LRP2: variants seen among roughly 807,000 people sequenced by gnomAD.
LRP2 encodes LDL receptor related protein 2.
In LRP2, 172 loss-of-function variants were observed where a neutral mutation model predicts 531.0. The ratio of observed to expected loss-of-function variants is 0.32; its 90% CI spans 0.29 to 0.37. LRP2 has a LOEUF of 0.37. LRP2 is among the 10% of genes least tolerant of loss of function. The pLI, the probability that LRP2 is intolerant of heterozygous loss-of-function variation, is 1.00. For missense variants in LRP2, 5,167 were observed against 5,868.3 expected (o/e 0.88, Z 3.90); for synonymous variants, 1,992 against 2,027.6 (o/e 0.98, Z 0.47).
intron 31 of LRP2, among the ~76,000 whole-genome samples, chr2:169,228,719 T>G (rs974044533): frequency 6.6e-6 from 1 of 152,116 alleles, no homozygotes; most frequent in Non-Finnish European, 1.5e-5. Context: ...TTACCACCAA[T>G]GAACATTTGC....
chr2:169,205,585 A>G lies in LRP2; in HGVS notation c.7609T>C (p.Leu2537=), dbSNP rs1156515697. 6.2e-6 allele frequency: 10 copies of G among 1,613,878 alleles called. No individual in the cohort carries two copies. Among genetic ancestry groups the G allele is most frequent in the East Asian group, 2.2e-5 (1 of 44,878 alleles). Residue 2537 remains leucine (L), a synonymous_variant, in exon 41 of 79, where the codon TTG becomes CTG. Transcript: ENST00000649046. ...DTHAKIERAT[L]GGNFRVPIVN... ...ATGGGTACGCGGAAGTTTCCTCCCAATGTGGCTCTCTCGATTTTGGCATGT... is the reference window on the plus strand; with the variant it reads ...ATGGGTACGCGGAAGTTTCCTCCCAGTGTGGCTCTCTCGATTTTGGCATGT...
chr2:169,257,289 G>A (rs1230564272), intron 17 of LRP2, 40 bp from the exon 18 acceptor site: 1 of 1,603,572 alleles, frequency 6.2e-7, no homozygotes. Flanking sequence ...TTAACACTGG[G>A]ACAAACTACA....
Position 169,206,015 on chromosome 2 carries a change from T to C in LRP2, c.7556+8A>G. On this transcript the variant is annotated splice_region_variant and intron_variant, in intron 40 of 78. Coordinates refer to ENST00000649046, the MANE Select transcript of LRP2 (RefSeq NM_004525.3). ...GACAGAAATATAACAAGGAAGATGATGGCATACCCTTGGCAGGGATCTAAC... is the reference window on the plus strand; with the variant it reads ...GACAGAAATATAACAAGGAAGATGACGGCATACCCTTGGCAGGGATCTAAC... 1 of 1,614,238 alleles carries C rather than the reference T, an allele frequency of 6.2e-7. No homozygotes were observed.
At chr2:169,295,306 C>T (rs1684107947) in intron 4 of LRP2, among the ~76,000 whole-genome samples, 1 of 152,224 alleles carries the variant, frequency 6.6e-6, no homozygotes, top group African/African-American at 2.4e-5. Flanking sequence ...GGATAACCTA[C>T]TGCACAGGGT....
At chr2:169,282,006 C>T (rs1683717461) in intron 10 of LRP2, among the ~76,000 whole-genome samples, 1 of 152,066 alleles carries the variant, frequency 6.6e-6, no homozygotes, top group Non-Finnish European at 1.5e-5. Context: ...TGGAGGAAGG[C>T]ATTTCACTAC....
rs1685143647 is a variant in LRP2 at position 169,127,610 on chromosome 2, T to C, written c.*1053A>G. The C allele has an allele frequency of 6.6e-6, 1 of 151,066 alleles. No homozygotes were observed. Among genetic ancestry groups the C allele is most frequent in the South Asian group, 2.1e-4 (1 of 4,762 alleles). 9.4% of individuals were successfully genotyped at this position (151,066 alleles called of 1,614,324 possible). On this transcript the variant is annotated 3_prime_UTR_variant, in exon 79 of 79. Transcript: ENST00000649046. Reference sequence around the variant, plus strand: ...TGTACAGTACATTCTAATATAAATGTACACATTTAGCCACAGGGCCTAATA... The same window carrying C: ...TGTACAGTACATTCTAATATAAATGCACACATTTAGCCACAGGGCCTAATA...
rs371528694 is a variant in LRP2, at chr2:169,277,848, C to T, written c.1669G>A (p.Gly557Arg). The part of the protein sequence containing the change: ...NRKDLVKTKL[G>R]WPAGVTLDMI... The stretch of plus-strand genomic sequence containing the variant: ...TCCAGAGTTACCCCAGCAGGCCATC[C>T]CAGCTTTGTTTTCACCAAGTCTTTA... The change falls in exon 13 of 79, where the codon GGA becomes AGA. Residue 557 changes from glycine (G) to arginine (R), a missense_variant. Around this residue, in one of 6 missense-constraint regions of LRP2, gnomAD observed 2,811 missense variants for 3,058.0 expected, o/e 0.92. Coordinates refer to ENST00000649046, the MANE Select transcript of LRP2 (RefSeq NM_004525.3). 2.4e-5 allele frequency: 39 copies of T among 1,614,014 alleles called. No homozygotes were observed. Among genetic ancestry groups the T allele is most frequent in the Non-Finnish European group, 3.0e-5 (35 of 1,180,012 alleles).
chr2:169,198,235 G>A (rs990691426), intron 45 of LRP2, among the ~76,000 whole-genome samples: 1 of 151,994 alleles, frequency 6.6e-6, no homozygotes, highest in African/African-American at 2.4e-5. Context: ...GTAACACAGA[G>A]AAACCCCATA....
intron 58 of LRP2, 49 bp downstream of exon 58, chr2:169,171,966 C>T (rs749094302): frequency 1.2e-6 from 2 of 1,612,190 alleles, no homozygotes; most frequent in Non-Finnish European, 8.5e-7. Context: ...AAAAAGCAAA[C>T]ATCACAGCTC....
rs747045333 is a variant in LRP2 at position 169,204,211 on chromosome 2, G to C, written c.7776C>G (p.Ala2592=). Residue 2592 remains alanine, a synonymous_variant, in exon 42 of 79, where the codon GCC becomes GCG. Coordinates refer to ENST00000649046, the MANE Select transcript of LRP2 (RefSeq NM_004525.3). ...GVDREVIVNA[A]VHAFGLTLYG... ...AGAGAGTCAAGCCAAAAGCATGAAC[G>C]GCTGCATTGACAATGACTTCACGAT... 3 of 1,614,082 alleles carry C rather than the reference G, an allele frequency of 1.9e-6. No individual in the cohort carries two copies. The highest frequency in any genetic ancestry group is 2.5e-6 in the Non-Finnish European group (3 of 1,180,018).
At chr2:169,195,398 C>T (rs1402184832) in intron 46 of LRP2, among the ~76,000 whole-genome samples, 1 of 151,960 alleles carries the variant, frequency 6.6e-6, no homozygotes. Context: ...AATTCACACT[C>T]AACCTTTTAA....
chr2:169,147,935 T>A (rs1194191788), intron 68 of LRP2, among the ~76,000 whole-genome samples: 1 of 120,596 alleles, frequency 8.3e-6, no homozygotes, highest in Admixed American at 9.8e-5. Context: ...ATGTCAGCAC[T>A]ATGTTAAAAA....
intron 1 of LRP2, among the ~76,000 whole-genome samples, chr2:169,358,820 C>A (rs1044807522): frequency 1.2e-4 from 18 of 151,040 alleles, no homozygotes; most frequent in African/African-American, 4.4e-4. Flanking sequence ...CAGTGAGACC[C>A]CATTTCTATT....
In LRP2 at chr2:169,227,652, T is replaced by A. The variant is rs1021849725; in HGVS notation, c.5228-1064A>T. Among the ~76,000 whole-genome samples the A allele has an allele frequency of 2.9e-4, 44 of 152,188 alleles. 1 individual carries two copies. The highest frequency in any genetic ancestry group is 2.5e-3 in the Admixed American group (38 of 15,280). ...TCATTATTTTTATAATCCGGGAAGC[T>A]TTCCATCTTCAGCAGGATGACTTGG... On this transcript the variant is annotated intron_variant, in intron 31 of 78. Transcript: ENST00000649046.
chr2:169,222,435 T>C (rs2105355877), intron 33 of LRP2, among the ~76,000 whole-genome samples: 1 of 152,306 alleles, frequency 6.6e-6, no homozygotes, highest in African/African-American at 2.4e-5. Context: ...AGTCATAAAA[T>C]GCATTTCCAT....
At chr2:169,133,677 C>A (rs1259207588) in intron 76 of LRP2, among the ~76,000 whole-genome samples, 1 of 152,182 alleles carries the variant, frequency 6.6e-6, no homozygotes, top group Non-Finnish European at 1.5e-5. Flanking sequence ...TCGCAGTTGA[C>A]AAGCAGTAAA....
At chr2:169,151,712 A>C (rs3944004) in intron 67 of LRP2, among the ~76,000 whole-genome samples, 37,092 of 152,088 alleles carry the variant, frequency 0.24, 4,702 homozygotes, top group East Asian at 0.37. Flanking sequence ...AAGGCTGAGA[A>C]AGAGGTAAAA....
intron 4 of LRP2, among the ~76,000 whole-genome samples, chr2:169,299,056 GAAGAAAGAAAGAAGGAAAGA>G (rs1559063685): frequency 3.0e-5 from 4 of 132,198 alleles, no homozygotes; most frequent in African/African-American, 9.1e-5. Flanking sequence ...AATTCAGAAA[GAAGAAAGAAAGAAGGAAAGA>G]AAGAAAGAAG....
intron 18 of LRP2, 133 bp from the exon 19 acceptor site, chr2:169,256,369 C>T: frequency 1.7e-6 from 1 of 587,732 alleles, no homozygotes; most frequent in Non-Finnish European, 2.8e-6. Context: ...AAATTATATT[C>T]ATTAAAAATT....
Sources: allele counts gnomAD v4.1 joint callset (sites outside exome capture counted in the v4.1 genomes callset), GRCh38; gene constraint gnomAD v4.1.1; regional missense constraint gnomAD v4.1.1; transcripts MANE v1.5; gene names NCBI Gene and HGNC (gene_info 2026-07-23, HGNC 2026-07-21).